The following RAB39A variants were observed in gnomAD, a reference collection of about 807,000 sequenced individuals.
The protein encoded by RAB39A is RAB39A, member RAS oncogene family, also known as ras-related protein Rab-39A.
In RAB39A, 17 loss-of-function variants were observed where a neutral mutation model predicts 20.9. The observed-to-expected ratio is 0.81, with a 90% CI of 0.56 to 1.22. The LOEUF (loss-of-function observed/expected upper bound fraction) is 1.22, where lower values mean the gene tolerates loss of function less well. Ranked by LOEUF, RAB39A falls within the 50% of genes most tolerant of loss-of-function variation. RAB39A has a pLI of 0.00. For synonymous variants in RAB39A, 99 were observed against 103.4 expected (o/e 0.96, Z 0.26); for missense variants, 234 against 270.5 (o/e 0.87, Z 0.95).
At chr11:107,957,243 T>C (rs1861445956) in intron 1 of RAB39A, among the ~76,000 whole-genome samples, 1 of 152,236 alleles carries the variant, frequency 6.6e-6, no homozygotes, top group Non-Finnish European at 1.5e-5. Context: ...AACAAAGTGC[T>C]AAAATCTTTA....
At chr11:107,953,165 T>A (rs1185698577) in intron 1 of RAB39A, among the ~76,000 whole-genome samples, 1 of 152,200 alleles carries the variant, frequency 6.6e-6, no homozygotes, top group African/African-American at 2.4e-5. Context: ...AGAGGGTAGA[T>A]CTCATGCTAT....
chr11:107,950,129 G>A (rs1276335894), intron 1 of RAB39A, among the ~76,000 whole-genome samples: 2 of 151,474 alleles, frequency 1.3e-5, no homozygotes, highest in Admixed American at 6.6e-5. Flanking sequence ...GCAGTGAGCC[G>A]AGATCGTGCC....
chr11:107,940,280 T>A (rs1056150463), intron 1 of RAB39A, among the ~76,000 whole-genome samples: 77 of 152,008 alleles, frequency 5.1e-4, no homozygotes, highest in Middle Eastern at 3.4e-3. Flanking sequence ...TATTATTTTT[T>A]TTTTAGATGA....
At chr11:107,939,749 C>T (rs545111025) in intron 1 of RAB39A, among the ~76,000 whole-genome samples, 1 of 151,996 alleles carries the variant, frequency 6.6e-6, no homozygotes, top group African/African-American at 2.4e-5. Context: ...AATAACATTT[C>T]CCTGTTGCAG....
Position 107,928,514 on chromosome 11 carries a change from C to A in RAB39A, c.-55C>A. ...GAGGTGCTGAAAGGACAGTTCCCGCCGCCGAACTTAGCCCGCGGGTGGGGC... is the reference window on the plus strand; with the variant it reads ...GAGGTGCTGAAAGGACAGTTCCCGCAGCCGAACTTAGCCCGCGGGTGGGGC... On this transcript the variant is annotated 5_prime_UTR_variant, in exon 1 of 2. Transcript: ENST00000320578. The surrounding 1 kb of genome is among the most constrained non-coding windows in gnomAD (Gnocchi z 4.9). The A allele has an allele frequency of 7.4e-7, 1 of 1,342,410 alleles. No homozygotes were observed. Among genetic ancestry groups the A allele is most frequent in the Non-Finnish European group, 9.9e-7 (1 of 1,013,006 alleles). The allele number at this position is 1,342,410 out of a possible 1,614,324, so 83.2% of individuals were successfully genotyped here. A position where few individuals can be genotyped will look rare whatever the true frequency, so the allele number is the denominator to read the frequency against.
At chr11:107,947,981 T>TAA (rs138280902) in intron 1 of RAB39A, among the ~76,000 whole-genome samples, 6 of 148,668 alleles carry the variant, frequency 4.0e-5, no homozygotes, top group Non-Finnish European at 1.5e-5. Context: ...TACACACACG[T>TAA]ACACACACAC....
At chr11:107,941,782 A>T (rs1260629047) in intron 1 of RAB39A, among the ~76,000 whole-genome samples, 1 of 152,150 alleles carries the variant, frequency 6.6e-6, no homozygotes, top group Non-Finnish European at 1.5e-5. Flanking sequence ...TAATGAAGCT[A>T]ATAGGAGGGG....
intron 1 of RAB39A, among the ~76,000 whole-genome samples, chr11:107,936,218 C>T (rs1044994668): frequency 3.3e-5 from 5 of 152,188 alleles, no homozygotes; most frequent in African/African-American, 1.2e-4. Flanking sequence ...CTAGCCCTTG[C>T]TCAAAATGGA....
At chr11:107,935,285 G>A (rs1474071070) in intron 1 of RAB39A, among the ~76,000 whole-genome samples, 2 of 152,118 alleles carry the variant, frequency 1.3e-5, no homozygotes, top group Admixed American at 6.6e-5. Flanking sequence ...CAGGAGGAAC[G>A]CATCCGCCCT....
intron 1 of RAB39A, among the ~76,000 whole-genome samples, chr11:107,931,339 T>C (rs1444786115): frequency 6.6e-6 from 1 of 152,208 alleles, no homozygotes; most frequent in African/African-American, 2.4e-5. Context: ...TTTATGTACA[T>C]TATTAAAACC....
intron 1 of RAB39A, among the ~76,000 whole-genome samples, chr11:107,944,085 A>G (rs1475409121): frequency 6.7e-6 from 1 of 150,004 alleles, no homozygotes; most frequent in Admixed American, 6.7e-5. Flanking sequence ...ACACAGTGAG[A>G]CTCCATCTCA....
chr11:107,929,394 A>T (rs1453484524), intron 1 of RAB39A, among the ~76,000 whole-genome samples: 1 of 152,146 alleles, frequency 6.6e-6, no homozygotes, highest in African/African-American at 2.4e-5. Flanking sequence ...ACAGCACTGA[A>T]TGTGGTCATC....
At position 107,946,455 on chromosome 11, in the gene RAB39A, TA is replaced by T. The variant is rs1565464317; in HGVS notation, c.228-15490del. Among the ~76,000 whole-genome samples, 136 of 60,824 alleles carry T rather than the reference TA, an allele frequency of 2.2e-3. 1 individual carries two copies. Among genetic ancestry groups the T allele is most frequent in the Non-Finnish European group, 3.2e-3 (95 of 29,864 alleles). 39.9% of individuals were successfully genotyped at this position (60,824 alleles called of 152,430 possible). A position where few individuals can be genotyped will look rare whatever the true frequency, so the allele number is the denominator to read the frequency against. The stretch of plus-strand genomic sequence containing the variant: ...GTGTGTGTATATATATATATATATA[TA>T]TATATTTTTTTTTTTTTTTTTTTTT... On this transcript the variant is annotated intron_variant, in intron 1 of 1. Coordinates refer to ENST00000320578, the MANE Select transcript of RAB39A (RefSeq NM_017516.3).
chr11:107,954,478 C>G (rs1262601690), intron 1 of RAB39A, among the ~76,000 whole-genome samples: 1 of 152,166 alleles, frequency 6.6e-6, no homozygotes, highest in Non-Finnish European at 1.5e-5. Flanking sequence ...AAACCCTTCG[C>G]GTCTGCTCAT....
intron 1 of RAB39A, among the ~76,000 whole-genome samples, chr11:107,933,319 G>A (rs139636540): frequency 0.069 from 351 of 5,078 alleles, 3 homozygotes; most frequent in Middle Eastern, 0.12. Context: ...ATATATGTGT[G>A]TGTGTGTGTG....
intron 1 of RAB39A, among the ~76,000 whole-genome samples, chr11:107,930,812 C>T (rs1205680506): frequency 2.0e-5 from 3 of 151,554 alleles, no homozygotes; most frequent in Non-Finnish European, 4.4e-5. Context: ...GCCAAGATCA[C>T]GCCACTGCAC....
chr11:107,950,041 G>T (rs535627174), intron 1 of RAB39A, among the ~76,000 whole-genome samples: 1 of 151,998 alleles, frequency 6.6e-6, no homozygotes. Context: ...TTAGCCGGGC[G>T]TGGTGGCCGG....
In RAB39A at chr11:107,962,037, TG is replaced by T; in HGVS notation, c.321del (p.Trp107CysfsTer2). The T allele has an allele frequency of 1.2e-6, 2 of 1,614,084 alleles. No individual in the cohort carries two copies. The highest frequency in any genetic ancestry group is 1.7e-6 in the Non-Finnish European group (2 of 1,179,954). On this transcript the variant is annotated frameshift_variant, in exon 2 of 2. Coordinates refer to ENST00000320578, the MANE Select transcript of RAB39A (RefSeq NM_017516.3). LOFTEE classifies it high-confidence loss of function. ...ACGATCTTTTGAACATGTGAAAGAT[TG>T]GCTAGAAGAAGCAAAAATGTATGTA... ...NRRSFEHVKD[W>X]LEEAKMYVQP...
Position 107,936,142 on chromosome 11 carries a change from C to T in RAB39A, c.227+7347C>T, listed in dbSNP as rs139054814. 2.3e-3 allele frequency among the ~76,000 whole-genome samples: 356 copies of T among 152,162 alleles called. 2 individuals carry two copies. Among genetic ancestry groups the T allele is most frequent in the African/African-American group, 7.9e-3 (326 of 41,528 alleles). ...CTCGAATTCCTGACCTCAAGTGATC[C>T]GCCCACCTCGGCCTCCCAAAGTGGT... On this transcript the variant is annotated intron_variant, in intron 1 of 1. Transcript: ENST00000320578.
Sources: allele counts gnomAD v4.1 joint callset (sites outside exome capture counted in the v4.1 genomes callset), GRCh38; gene constraint gnomAD v4.1.1; non-coding constraint Gnocchi (gnomAD v3.1); transcripts MANE v1.5; gene names NCBI Gene and HGNC (gene_info 2026-07-23, HGNC 2026-07-21).